CYB5R4: variants seen among roughly 807,000 people sequenced by gnomAD.
CYB5R4 encodes the protein cytochrome b5 reductase 4, also known as N-terminal cytochrome b5 and cytochrome b5 oxidoreductase domain-containing protein.
Under a neutral mutation model 70.2 loss-of-function variants are expected in CYB5R4, and 55 were observed. That is an observed-to-expected ratio of 0.78 (90% confidence interval 0.63 to 0.98). The LOEUF is 0.98. CYB5R4 is among the 50% of genes least tolerant of loss of function. The pLI, the probability that CYB5R4 is intolerant of heterozygous loss-of-function variation, is 0.00. For missense variants in CYB5R4, 562 were observed against 612.6 expected (o/e 0.92, Z 0.87); for synonymous variants, 197 against 199.5 (o/e 0.99, Z 0.11).
chr6:83,903,687 T>A (rs531406103), intron 3 of CYB5R4, among the ~76,000 whole-genome samples: 1 of 152,126 alleles, frequency 6.6e-6, no homozygotes, highest in South Asian at 2.1e-4. Flanking sequence ...GTTGTTGTTC[T>A]TGGGAGTTTT....
intron 3 of CYB5R4, among the ~76,000 whole-genome samples, chr6:83,899,458 A>G (rs537200725): frequency 1.4e-4 from 22 of 152,292 alleles, no homozygotes; most frequent in African/African-American, 5.3e-4. Context: ...AGGCTTTGAT[A>G]TGAGGATGAT....
rs940954194 is a variant in CYB5R4, at chr6:83,921,048, T to A, written c.565-34T>A. On this transcript the variant is annotated intron_variant, in intron 7 of 15. Transcript: ENST00000369681. ...GTAGAAGTTTGGGGGAAAATTTTACTTTCTAATCTTTCTATTTTTGCTTTC... is the reference window on the plus strand; with the variant it reads ...GTAGAAGTTTGGGGGAAAATTTTACATTCTAATCTTTCTATTTTTGCTTTC... 7.8e-6 allele frequency: 11 copies of A among 1,410,274 alleles called. No homozygotes were observed. In the Admixed American group the frequency reaches 2.4e-4, roughly 31 times the overall value. 87.4% of individuals were successfully genotyped at this position (1,410,274 alleles called of 1,614,324 possible).
chr6:83,927,612 A>G (rs1323529653), intron 10 of CYB5R4, among the ~76,000 whole-genome samples: 4 of 152,218 alleles, frequency 2.6e-5, no homozygotes, highest in African/African-American at 9.6e-5. Context: ...GATGGAAGGA[A>G]TACATAGGGA....
At chr6:83,948,587 G>T (rs1165367728) in intron 14 of CYB5R4, among the ~76,000 whole-genome samples, 1 of 152,032 alleles carries the variant, frequency 6.6e-6, no homozygotes, top group Non-Finnish European at 1.5e-5. Context: ...TGGTTTTTTG[G>T]CTAAGGTATT....
At chr6:83,903,173 T>C (rs2099463266) in intron 3 of CYB5R4, among the ~76,000 whole-genome samples, 1 of 152,126 alleles carries the variant, frequency 6.6e-6, no homozygotes, top group African/African-American at 2.4e-5. Context: ...TATGGCCTTT[T>C]ATTATTTTGA....
chr6:83,952,903 C>G (rs1200495229), intron 14 of CYB5R4, among the ~76,000 whole-genome samples: 4 of 151,988 alleles, frequency 2.6e-5, no homozygotes, highest in African/African-American at 9.7e-5. Context: ...TGTGGCAGTT[C>G]CATTTAAGTT....
rs571624942 is a variant in CYB5R4, at chr6:83,863,572, A to G, written c.76-603A>G. ...TTGGTCCAAACTGGTTAACTGTAAC[A>G]TATTAATGTCAGAGCCAGGACCAGA... On this transcript the variant is annotated intron_variant, in intron 1 of 15. Coordinates refer to ENST00000369681, the MANE Select transcript of CYB5R4 (RefSeq NM_016230.4). Among the ~76,000 whole-genome samples the G allele has an allele frequency of 4.1e-4, 63 of 152,288 alleles. No homozygotes were observed. The South Asian group carries it at 8.3e-3, about 20-fold the overall frequency.
chr6:83,869,537 G>A (rs1325056774), intron 2 of CYB5R4, among the ~76,000 whole-genome samples: 1 of 152,128 alleles, frequency 6.6e-6, no homozygotes, highest in Admixed American at 6.6e-5. Context: ...CTGTAAAAAA[G>A]TGTCTTTTTG....
At chr6:83,910,078 G>C (rs1236903898) in intron 4 of CYB5R4, 12 of 1,612,540 alleles carry the variant, frequency 7.4e-6, no homozygotes, top group Non-Finnish European at 1.0e-5. Context: ...GCAAACTCTG[G>C]CACCTGTAGA....
intron 3 of CYB5R4, among the ~76,000 whole-genome samples, chr6:83,897,648 G>T (rs1397282129): frequency 1.3e-5 from 2 of 152,216 alleles, no homozygotes; most frequent in African/African-American, 4.8e-5. Context: ...GATGGCCAGT[G>T]ATGATGAGCA....
In CYB5R4 at chr6:83,940,531, T is replaced by G; in HGVS notation, c.1276T>G (p.Phe426Val). 1 of 1,587,728 alleles carries G rather than the reference T, an allele frequency of 6.3e-7. No individual in the cohort carries two copies. The highest frequency in any genetic ancestry group is 1.2e-5 in the South Asian group (1 of 85,510). The stretch of plus-strand genomic sequence containing the variant: ...TCTCTTAAGGAAAGTGAAGCTGATG[T>G]TCTTCAATAAAACAGAAGATGATAT... ...IPSLRKVKLM[F>V]FNKTEDDIIW... The change falls in exon 14 of 16, where the codon TTC (phenylalanine) becomes GTC (valine). Residue 426 changes from phenylalanine to valine, a missense_variant. Physicochemically the swap from Phe to Val is conservative, Grantham distance 50. Transcript: ENST00000369681.
chr6:83,943,254 C>T (rs78791751), intron 14 of CYB5R4, among the ~76,000 whole-genome samples: 1 of 152,132 alleles, frequency 6.6e-6, no homozygotes, highest in South Asian at 2.1e-4. Context: ...GATGAAGCTT[C>T]CAGAGGAAGG....
intron 8 of CYB5R4, 84 bp from the exon 9 acceptor site, chr6:83,922,354 A>G (rs2099466515): frequency 1.9e-6 from 2 of 1,049,242 alleles, no homozygotes; most frequent in Non-Finnish European, 1.4e-6. Flanking sequence ...ATAGTACATA[A>G]AAGAGCCATT....
At chr6:83,874,796 A>G (rs2129130055) in intron 2 of CYB5R4, among the ~76,000 whole-genome samples, 1 of 149,444 alleles carries the variant, frequency 6.7e-6, no homozygotes, top group South Asian at 2.1e-4. Context: ...GCCACTTTTT[A>G]TATTTTTGTC....
rs182612763 is a variant in CYB5R4, at chr6:83,944,395, C to T, written c.1346+3794C>T. ...AAGACAAGCAAATGCTGAGGGATTT[C>T]GTCACCACCAGGCCTGCCTTACAAG... On this transcript the variant is annotated intron_variant, in intron 14 of 15. Coordinates refer to ENST00000369681, the MANE Select transcript of CYB5R4 (RefSeq NM_016230.4). Among the ~76,000 whole-genome samples, 418 of 152,198 alleles carry T rather than the reference C, an allele frequency of 2.7e-3. 2 individuals are homozygous for T. Among genetic ancestry groups the T allele is most frequent in the African/African-American group, 9.6e-3 (398 of 41,516 alleles).
intron 4 of CYB5R4, among the ~76,000 whole-genome samples, chr6:83,913,478 G>C (rs533079094): frequency 6.6e-6 from 1 of 152,248 alleles, no homozygotes; most frequent in East Asian, 1.9e-4. Context: ...ATAATTTGCT[G>C]TATGTGGTAA....
At chr6:83,957,028 T>A (rs2099472532) in intron 15 of CYB5R4, among the ~76,000 whole-genome samples, 1 of 151,916 alleles carries the variant, frequency 6.6e-6, no homozygotes, top group Non-Finnish European at 1.5e-5. Flanking sequence ...AACTTTTTTC[T>A]TGTCATATTT....
intron 14 of CYB5R4, among the ~76,000 whole-genome samples, chr6:83,951,196 A>G (rs1230736813): frequency 2.0e-5 from 3 of 152,166 alleles, no homozygotes; most frequent in Non-Finnish European, 4.4e-5. Context: ...TAGTTAACCA[A>G]TTCTCTGTTA....
chr6:83,955,541 C>G (rs2099472198), intron 15 of CYB5R4, 79 bp downstream of exon 15: 3 of 1,333,324 alleles, frequency 2.3e-6, no homozygotes, highest in Non-Finnish European at 2.1e-6. Flanking sequence ...CTCAGTTCTT[C>G]CTGTTTATAT....
Sources: allele counts gnomAD v4.1 joint callset (sites outside exome capture counted in the v4.1 genomes callset), GRCh38; gene constraint gnomAD v4.1.1; transcripts MANE v1.5; gene names NCBI Gene and HGNC (gene_info 2026-07-23, HGNC 2026-07-21).